ASTN2: variants seen among roughly 807,000 people sequenced by gnomAD.
The protein encoded by ASTN2 is astrotactin-2.
In ASTN2, 54 loss-of-function variants were observed where a neutral mutation model predicts 139.8. The observed-to-expected ratio is 0.39, with a 90% confidence interval of 0.31 to 0.48. The LOEUF (loss-of-function observed/expected upper bound fraction) is 0.48, where lower values mean the gene tolerates loss of function less well. Ranked by LOEUF, ASTN2 falls within the 20% of genes least tolerant of loss-of-function variation. The probability of loss-of-function intolerance (pLI) is 0.95; values close to 1 mark genes in which losing one functional copy is unlikely to be tolerated. For synonymous variants in ASTN2, 756 were observed against 719.5 expected, an observed-to-expected ratio of 1.05 and a Z score of -0.81; for missense variants, 1,565 against 1,725.1, an observed-to-expected ratio of 0.91 and a Z score of 1.64.
intron 19 of ASTN2, among the ~76,000 whole-genome samples, chr9:116,515,107 T>G (rs983644338): frequency 2.0e-5 from 3 of 151,992 alleles, no homozygotes; most frequent in African/African-American, 7.3e-5. Context: ...AACTGAAGAC[T>G]GGAGCTGTCC....
intron 13 of ASTN2, among the ~76,000 whole-genome samples, chr9:116,770,737 T>A (rs1829933916): frequency 6.6e-6 from 1 of 152,184 alleles, no homozygotes; most frequent in Non-Finnish European, 1.5e-5. Context: ...AACACACATG[T>A]ATTTACATAT....
intron 17 of ASTN2, among the ~76,000 whole-genome samples, chr9:116,638,344 T>C (rs764949906): frequency 1.3e-5 from 2 of 152,144 alleles, no homozygotes; most frequent in South Asian, 2.1e-4. Context: ...TTAGTAAACA[T>C]AGGTGAGGGA....
In ASTN2 at chr9:116,697,792, T is replaced by C. The variant is rs753650301; in HGVS notation, c.2806+27979A>G. Reference sequence around the variant, plus strand: ...CTGAACCTGGATGCCCTCCGGGAAGTGCTAGAATGCCCCATCTGCATGGAG... The same window carrying C: ...CTGAACCTGGATGCCCTCCGGGAAGCGCTAGAATGCCCCATCTGCATGGAG... On this transcript the variant is annotated intron_variant, in intron 16 of 22. Coordinates refer to ENST00000313400, the MANE Select transcript of ASTN2 (RefSeq NM_001365068.1). The C allele has an allele frequency of 6.2e-7, 1 of 1,614,026 alleles. No individual in the cohort carries two copies. Among genetic ancestry groups the C allele is most frequent in the African/African-American group, 1.3e-5 (1 of 74,920 alleles).
Position 116,425,312 on chromosome 9 carries a change from C to A in ASTN2, c.*539G>T. ...CAGGTAGCAGGAAGAGGCAGGGTCC[C>A]ACAAACTCAATAATGTCCAGCAAAA... is the stretch of plus-strand genomic sequence containing the variant. On this transcript the variant is annotated 3_prime_UTR_variant, in exon 23 of 23. Coordinates refer to ENST00000313400, the MANE Select transcript of ASTN2 (RefSeq NM_001365068.1). 2.0e-6 allele frequency: 1 copy of A among 490,774 alleles called. No homozygotes were observed. The highest frequency in any genetic ancestry group is 3.7e-5 in the East Asian group (1 of 26,680). 30.4% of individuals were successfully genotyped at this position (490,774 alleles called of 1,614,324 possible).
intron 10 of ASTN2, among the ~76,000 whole-genome samples, chr9:116,903,350 A>C (rs1834069443): frequency 6.6e-6 from 1 of 152,178 alleles, no homozygotes; most frequent in Non-Finnish European, 1.5e-5. Context: ...TTTGTTTTAT[A>C]TACTGATGTT....
intron 13 of ASTN2, among the ~76,000 whole-genome samples, chr9:116,794,672 A>G (rs1011840228): frequency 9.2e-5 from 14 of 152,312 alleles, no homozygotes; most frequent in Admixed American, 3.9e-4. Context: ...ATGAGCATCA[A>G]TCTGCTTTGT....
chr9:117,392,218 T>C (rs1013351401), intron 1 of ASTN2, among the ~76,000 whole-genome samples: 1 of 152,172 alleles, frequency 6.6e-6, no homozygotes, highest in African/African-American at 2.4e-5. Context: ...GAGTTGTTAG[T>C]AACTTATAGC....
At chr9:116,694,841 TC>T (rs1258722064) in intron 16 of ASTN2, among the ~76,000 whole-genome samples, 1 of 152,058 alleles carries the variant, frequency 6.6e-6, no homozygotes, top group African/African-American at 2.4e-5. Context: ...AATTTACCAT[TC>T]ATAGTTTCAG....
intron 10 of ASTN2, among the ~76,000 whole-genome samples, chr9:116,865,104 AAAACAGGTTCT>A (rs1832981747): frequency 6.6e-6 from 1 of 152,124 alleles, no homozygotes; most frequent in African/African-American, 2.4e-5. Flanking sequence ...AGAATCTCTG[AAAACAGGTTCT>A]AAACTGGAAA....
intron 3 of ASTN2, among the ~76,000 whole-genome samples, chr9:117,159,079 T>A (rs1426880896): frequency 6.6e-6 from 1 of 152,056 alleles, no homozygotes; most frequent in Non-Finnish European, 1.5e-5. Flanking sequence ...TGCCGTGGAA[T>A]GTTAATTTCA....
chr9:116,921,674 G>A (rs1330646514), intron 10 of ASTN2, among the ~76,000 whole-genome samples: 1 of 151,982 alleles, frequency 6.6e-6, no homozygotes, highest in African/African-American at 2.4e-5. Flanking sequence ...TGCATGGCTG[G>A]AGAGGCCTCA....
chr9:116,916,223 A>G (rs552948749), intron 10 of ASTN2, among the ~76,000 whole-genome samples: 1 of 152,142 alleles, frequency 6.6e-6, no homozygotes, highest in South Asian at 2.1e-4. Context: ...TGAATGGCCC[A>G]CCATCAGTGA....
At chr9:116,577,993 T>C (rs974622828) in intron 19 of ASTN2, among the ~76,000 whole-genome samples, 1 of 152,084 alleles carries the variant, frequency 6.6e-6, no homozygotes, top group Admixed American at 6.5e-5. Context: ...TTTTGGAGAA[T>C]GTTATAAACC....
chr9:117,305,368 T>C (rs1834973577), intron 1 of ASTN2, among the ~76,000 whole-genome samples: 1 of 152,144 alleles, frequency 6.6e-6, no homozygotes, highest in Non-Finnish European at 1.5e-5. Context: ...ATCAACCTGG[T>C]GGAAGATGTC....
chr9:117,364,802 A>G (rs1380087973), intron 1 of ASTN2, among the ~76,000 whole-genome samples: 2 of 152,038 alleles, frequency 1.3e-5, no homozygotes, highest in Non-Finnish European at 2.9e-5. Context: ...ATAAGAAAAG[A>G]GGCACATTAA....
chr9:116,481,795 C>G (rs969394387), intron 20 of ASTN2, among the ~76,000 whole-genome samples: 4 of 152,162 alleles, frequency 2.6e-5, no homozygotes, highest in Admixed American at 2.6e-4. Flanking sequence ...GGCCCCCAAG[C>G]CTAGTATTCT....
chr9:117,033,329 A>T (rs1039480308), intron 6 of ASTN2, among the ~76,000 whole-genome samples: 1 of 152,156 alleles, frequency 6.6e-6, no homozygotes, highest in Non-Finnish European at 1.5e-5. Flanking sequence ...ACCCCCTTCC[A>T]ATATTAAGAA....
chr9:116,638,781 G>A (rs62576684), intron 17 of ASTN2, among the ~76,000 whole-genome samples: 8,961 of 124,640 alleles, frequency 0.072, 356 homozygotes, highest in Non-Finnish European at 0.1. Flanking sequence ...ATCTTATTTA[G>A]TTTCTGATTT....
intron 16 of ASTN2, among the ~76,000 whole-genome samples, chr9:116,709,306 A>G (rs549166479): frequency 6.6e-6 from 1 of 152,314 alleles, no homozygotes; most frequent in African/African-American, 2.4e-5. Flanking sequence ...GACCCTTTGG[A>G]TATCTGTGGA....
Sources: allele counts gnomAD v4.1 joint callset (sites outside exome capture counted in the v4.1 genomes callset), GRCh38; gene constraint gnomAD v4.1.1; transcripts MANE v1.5; gene names NCBI Gene and HGNC (gene_info 2026-07-23, HGNC 2026-07-21).